USP10: variants seen among roughly 807,000 people sequenced by gnomAD.
USP10 encodes the protein ubiquitin specific peptidase 10.
A neutral mutation model predicts 84.5 loss-of-function variants in USP10; 22 were observed. The observed-to-expected ratio is 0.26, with a 90% CI of 0.19 to 0.37. The LOEUF (loss-of-function observed/expected upper bound fraction) is 0.37, where lower values mean the gene tolerates loss of function less well. Among genes scored for constraint, USP10 ranks in the 10% least tolerant of loss-of-function variants. The pLI, the probability that USP10 is intolerant of heterozygous loss-of-function variation, is 1.00. For missense variants in USP10, 1,019 were observed against 998.9 expected (o/e 1.02, Z -0.27); for synonymous variants, 454 against 387.6 (o/e 1.17, Z -2.01).
At chr16:84,719,338 C>T (rs1907480657) in intron 1 of USP10, among the ~76,000 whole-genome samples, 1 of 152,200 alleles carries the variant, frequency 6.6e-6, no homozygotes, top group Non-Finnish European at 1.5e-5. Flanking sequence ...TCCTCAGTTG[C>T]CTGTAGTGAT....
intron 2 of USP10, among the ~76,000 whole-genome samples, chr16:84,736,626 C>G (rs1191268303): frequency 6.6e-6 from 1 of 152,238 alleles, no homozygotes; most frequent in East Asian, 1.9e-4. Flanking sequence ...AAAATGCTCA[C>G]CATTCTTTAG....
chr16:84,764,229 A>T lies in USP10; in HGVS notation c.1798A>T (p.Thr600Ser). The stretch of plus-strand genomic sequence containing the variant: ...CACCCGCCAGGCGGATTTTGTTCAG[A>T]CTCCAATCACCGGCATTTTTGGTGG... ...SVTRQADFVQ[T>S]PITGIFGGHI... is the part of the protein sequence containing the mutation. Residue 600 changes from threonine (T) to serine (S), a missense_variant, in exon 10 of 14, where the codon ACT becomes TCT. Physicochemically the swap from Thr to Ser is moderately conservative, Grantham distance 58. Transcript: ENST00000219473. The T allele has an allele frequency of 6.2e-7, 1 of 1,613,908 alleles. No homozygotes were observed. The highest frequency in any genetic ancestry group is 8.5e-7 in the Non-Finnish European group (1 of 1,179,866).
Position 84,744,643 on chromosome 16 carries a change from T to C in USP10, c.162T>C (p.Tyr54=). The part of the protein sequence containing the change: ...AVDKLPDGQE[Y]QRIEFGVDEV... ...TTTCTTTCTAAACAGGACAAGAATA[T>C]CAGAGAATTGAGTTTGGTGTCGATG... Residue 54 remains tyrosine (Y), a synonymous_variant, in exon 4 of 14, where the codon TAT becomes TAC. Transcript: ENST00000219473. 1 of 1,607,822 alleles carries C rather than the reference T, an allele frequency of 6.2e-7. No homozygotes were observed. Among genetic ancestry groups the C allele is most frequent in the Non-Finnish European group, 8.5e-7 (1 of 1,175,866 alleles).
At chr16:84,755,466 C>G (rs73245631) in intron 4 of USP10, among the ~76,000 whole-genome samples, 2 of 151,960 alleles carry the variant, frequency 1.3e-5, no homozygotes, top group African/African-American at 4.8e-5. Flanking sequence ...CACTCCTACA[C>G]GCTGCCCCTG....
intron 13 of USP10, among the ~76,000 whole-genome samples, chr16:84,777,330 C>T (rs1000670386): frequency 3.3e-5 from 5 of 152,166 alleles, no homozygotes; most frequent in African/African-American, 1.2e-4. Context: ...TAGTAAAACC[C>T]CCAGGCCCTG....
Position 84,770,589 on chromosome 16 carries a change from G to A in USP10, c.1999-1952G>A, listed in dbSNP as rs575958516. Among the ~76,000 whole-genome samples, 19 of 152,100 alleles carry A rather than the reference G, an allele frequency of 1.2e-4. No homozygotes were observed. The South Asian group carries it at 2.7e-3, about 22-fold the overall frequency. Reference sequence around the variant, plus strand: ...AGATCGAGACCATCCTGGCTAACACGGTGAAACCCCGTCTCTACTAAAAAT... The same window carrying A: ...AGATCGAGACCATCCTGGCTAACACAGTGAAACCCCGTCTCTACTAAAAAT... On this transcript the variant is annotated intron_variant, in intron 11 of 13. Coordinates refer to ENST00000219473, the MANE Select transcript of USP10 (RefSeq NM_005153.3).
At chr16:84,744,597 A>G (rs1207213148) in intron 3 of USP10, 36 bp from the exon 4 acceptor site, 1 of 1,534,182 alleles carries the variant, frequency 6.5e-7, no homozygotes, top group South Asian at 1.3e-5. Flanking sequence ...AGTTTGTAGA[A>G]CTGGGTTCTT....
chr16:84,705,784 A>G (rs1400825611), intron 1 of USP10, among the ~76,000 whole-genome samples: 1 of 128,718 alleles, frequency 7.8e-6, no homozygotes, highest in Non-Finnish European at 1.5e-5. Context: ...CAGTGGTGCG[A>G]TCTGGGTTCA....
At chr16:84,713,733 A>G (rs577305837) in intron 1 of USP10, among the ~76,000 whole-genome samples, 1 of 152,242 alleles carries the variant, frequency 6.6e-6, no homozygotes, top group East Asian at 1.9e-4. Context: ...AGAATTAGAG[A>G]GACCATCACA....
rs746833270 is a variant in USP10 at position 84,779,031 on chromosome 16, T to C, written c.2346T>C (p.Thr782=). ...VINQYQVVKP[T]AERTAYLLYY... is the part of the protein sequence containing the mutation. ...ACCAGTACCAGGTGGTGAAACCAAC[T>C]GCTGAACGCACAGCCTACCTCCTGT... Residue 782 remains threonine (T), a synonymous_variant, in exon 14 of 14, where the codon ACT becomes ACC. Coordinates refer to ENST00000219473, the MANE Select transcript of USP10 (RefSeq NM_005153.3). 4.3e-6 allele frequency: 7 copies of C among 1,613,904 alleles called. No individual in the cohort carries two copies. The highest frequency in any genetic ancestry group is 5.9e-6 in the Non-Finnish European group (7 of 1,179,896).
chr16:84,733,512 A>G lies in USP10; in HGVS notation c.90+9A>G, dbSNP rs778009553. The G allele has an allele frequency of 1.7e-5, 27 of 1,605,426 alleles. No homozygotes were observed. The highest frequency in any genetic ancestry group is 2.2e-5 in the Non-Finnish European group (26 of 1,176,428). On this transcript the variant is annotated intron_variant, in intron 2 of 13. Coordinates refer to ENST00000219473, the MANE Select transcript of USP10 (RefSeq NM_005153.3). ...CTCGATCTTCAGTTGAGGTAAGACA[A>G]AACTTTGTTTTAGTGAGTCCGTGGG...
chr16:84,771,573 A>G (rs1286178949), intron 11 of USP10, among the ~76,000 whole-genome samples: 1 of 152,212 alleles, frequency 6.6e-6, no homozygotes, highest in African/African-American at 2.4e-5. Context: ...TTATTTTAAA[A>G]TGGGTCAATA....
In USP10 at chr16:84,737,035, G is replaced by A. The variant is rs187342127; in HGVS notation, c.91-3274G>A. On this transcript the variant is annotated intron_variant, in intron 2 of 13. Transcript: ENST00000219473. ...GATCTCCTGACCTCGTGGTCTGCCC[G>A]CCTCGGCTTCCCAAAGTGCTGGGAT... 4.6e-3 allele frequency among the ~76,000 whole-genome samples: 703 copies of A among 152,308 alleles called. 2 individuals carry two copies. Among genetic ancestry groups the A allele is most frequent in the Non-Finnish European group, 4.9e-3 (330 of 68,014 alleles).
intron 1 of USP10, among the ~76,000 whole-genome samples, chr16:84,706,318 T>G (rs1905497782): frequency 6.6e-6 from 1 of 152,046 alleles, no homozygotes; most frequent in African/African-American, 2.4e-5. Context: ...TATAAAAAAC[T>G]TCTGATACAT....
In USP10 at chr16:84,745,374, C is replaced by T; in HGVS notation, c.893C>T (p.Ala298Val). ...CTTGAATCCTCGGGTGAGGGCACAG[C>T]TACCAACGGGGTGGAGTTGCACACC... ...QILESSGEGT[A>V]TNGVELHTTE... Residue 298 changes from alanine to valine, a missense_variant, in exon 4 of 14, where the codon GCT (alanine) becomes GTT (valine). Ala to Val is a moderately conservative substitution (Grantham distance 64). Coordinates refer to ENST00000219473, the MANE Select transcript of USP10 (RefSeq NM_005153.3). 1 of 1,613,392 alleles carries T rather than the reference C, an allele frequency of 6.2e-7. No homozygotes were observed. The highest frequency in any genetic ancestry group is 1.1e-5 in the South Asian group (1 of 91,050).
chr16:84,725,805 C>T (rs1041938086), intron 1 of USP10, among the ~76,000 whole-genome samples: 2 of 152,202 alleles, frequency 1.3e-5, no homozygotes. Flanking sequence ...GTCCAACATA[C>T]CTTCATTTTG....
At chr16:84,750,192 G>A (rs911497226) in intron 4 of USP10, among the ~76,000 whole-genome samples, 1 of 152,100 alleles carries the variant, frequency 6.6e-6, no homozygotes, top group Non-Finnish European at 1.5e-5. Context: ...TGGATCCCTT[G>A]AGGCCAGGAG....
chr16:84,753,134 T>TTTTTTTA (rs1437443493), intron 4 of USP10, among the ~76,000 whole-genome samples: 1 of 152,030 alleles, frequency 6.6e-6, no homozygotes, highest in Admixed American at 6.6e-5. Context: ...GTACAGCTAA[T>TTTTTTTA]TTTTTTATTT....
intron 1 of USP10, among the ~76,000 whole-genome samples, chr16:84,724,802 A>G (rs1908245456): frequency 6.6e-6 from 1 of 152,132 alleles, no homozygotes; most frequent in Non-Finnish European, 1.5e-5. Context: ...CTCAGTGCAT[A>G]TTGTTAAATT....
Sources: allele counts gnomAD v4.1 joint callset (sites outside exome capture counted in the v4.1 genomes callset), GRCh38; gene constraint gnomAD v4.1.1; transcripts MANE v1.5; gene names NCBI Gene and HGNC (gene_info 2026-07-23, HGNC 2026-07-21).